Variants in WDR88 observed in about 807,000 individuals in gnomAD.
The protein encoded by WDR88 is WD repeat-containing protein 88.
In WDR88, 40 loss-of-function variants were observed where a neutral mutation model predicts 46.8. That is an observed-to-expected ratio of 0.86 (90% CI 0.66 to 1.11). The LOEUF (loss-of-function observed/expected upper bound fraction) is 1.11, where lower values mean the gene tolerates loss of function less well. WDR88 is among the 50% of genes most tolerant of loss of function. The pLI, the probability that WDR88 is intolerant of heterozygous loss-of-function variation, is 0.00. For synonymous variants in WDR88, 235 were observed against 240.7 expected (o/e 0.98, Z 0.22); for missense variants, 562 against 602.4 (o/e 0.93, Z 0.70).
intron 2 of WDR88, chr19:33,142,635 G>A (rs926063430): frequency 1.3e-5 from 2 of 151,700 alleles, no homozygotes; most frequent in African/African-American, 2.4e-5. Context: ...GTGAAAACAG[G>A]CATCTTTCCC....
At chr19:33,142,341 A>T (rs1973413716) in intron 2 of WDR88, among the ~76,000 whole-genome samples, 1 of 151,928 alleles carries the variant, frequency 6.6e-6, no homozygotes, top group Non-Finnish European at 1.5e-5. Flanking sequence ...AGGCACTAGG[A>T]GGGCAGAGGG....
chr19:33,160,355 T>C, intron 7 of WDR88, 59 bp from the exon 8 acceptor site: 1 of 1,571,390 alleles, frequency 6.4e-7, no homozygotes, highest in Non-Finnish European at 8.8e-7. Context: ...CAGCTGGCTT[T>C]GGGCTCACTT....
chr19:33,170,422 C>T (rs190310047), intron 9 of WDR88, among the ~76,000 whole-genome samples: 69 of 151,344 alleles, frequency 4.6e-4, no homozygotes, highest in Admixed American at 1.2e-3. Context: ...TTAAGTGATT[C>T]GACCGCGTTG....
intron 1 of WDR88, 79 bp downstream of exon 1, chr19:33,132,524 C>A: frequency 1.3e-6 from 2 of 1,554,198 alleles, no homozygotes; most frequent in East Asian, 4.5e-5. Flanking sequence ...TCGGGGGACC[C>A]ATGGAAAACC....
Position 33,148,982 on chromosome 19 carries a change from C to T in WDR88, c.679+72C>T, listed in dbSNP as rs184437951. 713 of 1,595,522 alleles carry T rather than the reference C, an allele frequency of 4.5e-4. 4 individuals are homozygous for T. The African/African-American group carries it at 8.2e-3, about 18-fold the overall frequency. On this transcript the variant is annotated intron_variant, in intron 5 of 10. Transcript: ENST00000355868. Reference sequence around the variant, plus strand: ...GCCACTTGTCACTGACTGACGGTGACCTTCCATTGCTTTATTTGGTGAAAC... The same window carrying T: ...GCCACTTGTCACTGACTGACGGTGATCTTCCATTGCTTTATTTGGTGAAAC...
chr19:33,157,218 C>T (rs1311781558), intron 7 of WDR88, among the ~76,000 whole-genome samples: 1 of 148,932 alleles, frequency 6.7e-6, no homozygotes, highest in African/African-American at 2.5e-5. Flanking sequence ...AAAAAAAGGC[C>T]AGGCACAATG....
At chr19:33,138,763 A>C (rs1366406067) in intron 2 of WDR88, among the ~76,000 whole-genome samples, 1 of 144,732 alleles carries the variant, frequency 6.9e-6, no homozygotes, top group African/African-American at 2.6e-5. Context: ...GGCTCACTAC[A>C]ACTTCCGCCT....
At position 33,174,307 on chromosome 19, in the gene WDR88, C is replaced by A. The variant is rs986906640; in HGVS notation, c.1243-1089C>A. On this transcript the variant is annotated intron_variant, in intron 10 of 10. Transcript: ENST00000355868. The stretch of plus-strand genomic sequence containing the variant: ...CGAGGCCTGCCCCAGGTAGGGTTTA[C>A]CCCCCTCTCCAGCAGGCCTCAGTGT... 25 of 1,522,500 alleles carry A rather than the reference C, an allele frequency of 1.6e-5. No homozygotes were observed. The Admixed American group carries it at 4.8e-4, about 29-fold the overall frequency. 94.3% of individuals were successfully genotyped at this position (1,522,500 alleles called of 1,614,324 possible).
At position 33,151,162 on chromosome 19, in the gene WDR88, T is replaced by A. The variant is rs1182978472; in HGVS notation, c.680-19T>A. On this transcript the variant is annotated intron_variant, in intron 5 of 10. Coordinates refer to ENST00000355868, the MANE Select transcript of WDR88 (RefSeq NM_173479.4). ...GGTGGAAGGCGTGGTCTCAAGTCCC[T>A]TTCCTCCGTGTTCTGCAGATCATCA... is the stretch of plus-strand genomic sequence containing the variant. The A allele has an allele frequency of 6.2e-7, 1 of 1,609,936 alleles. No homozygotes were observed. Among genetic ancestry groups the A allele is most frequent in the Non-Finnish European group, 8.5e-7 (1 of 1,177,266 alleles).
At chr19:33,168,833 A>G (rs965579608) in intron 9 of WDR88, among the ~76,000 whole-genome samples, 2 of 152,178 alleles carry the variant, frequency 1.3e-5, no homozygotes, top group Admixed American at 6.6e-5. Flanking sequence ...GAAGAAGAAA[A>G]TTGGAGGACT....
At chr19:33,173,073 C>G (rs1974064760) in intron 10 of WDR88, among the ~76,000 whole-genome samples, 2 of 108,736 alleles carry the variant, frequency 1.8e-5, no homozygotes, top group Admixed American at 1.5e-4. Flanking sequence ...GCCTGGGTGA[C>G]AGAGCGAGAC....
chr19:33,143,077 C>T (rs996207231), intron 2 of WDR88, among the ~76,000 whole-genome samples: 4 of 151,824 alleles, frequency 2.6e-5, no homozygotes, highest in African/African-American at 4.8e-5. Context: ...CGTCTGTAAT[C>T]CCAGTGCTTT....
chr19:33,150,594 G>A (rs1338129190), intron 5 of WDR88, among the ~76,000 whole-genome samples: 2 of 152,184 alleles, frequency 1.3e-5, no homozygotes, highest in African/African-American at 4.8e-5. Flanking sequence ...GCGTACAAGT[G>A]TTTGCACACA....
At chr19:33,174,022 T>G (rs1340365670) in intron 10 of WDR88, among the ~76,000 whole-genome samples, 10 of 152,072 alleles carry the variant, frequency 6.6e-5, no homozygotes, top group African/African-American at 1.9e-4. Context: ...GCTAATTGTT[T>G]TGTGTTTTTA....
At chr19:33,133,226 A>AAG (rs1463234935) in intron 1 of WDR88, among the ~76,000 whole-genome samples, 5 of 144,726 alleles carry the variant, frequency 3.5e-5, no homozygotes, top group African/African-American at 1.3e-4. Flanking sequence ...GAAAGAAAGA[A>AAG]AAAGAAAAAG....
rs147359483 is a variant in WDR88 at position 33,138,526 on chromosome 19, T to C, written c.387+739T>C. Reference sequence around the variant, plus strand: ...CTACTCCTGGCTAATTTTATTTTTTTAGTAGAGACAGAGTTTCACCACGTT... The same window carrying C: ...CTACTCCTGGCTAATTTTATTTTTTCAGTAGAGACAGAGTTTCACCACGTT... On this transcript the variant is annotated intron_variant, in intron 2 of 10. Coordinates refer to ENST00000355868, the MANE Select transcript of WDR88 (RefSeq NM_173479.4). Among the ~76,000 whole-genome samples, 166 of 152,180 alleles carry C rather than the reference T, an allele frequency of 1.1e-3. 1 individual carries two copies. The highest frequency in any genetic ancestry group is 3.4e-3 in the Middle Eastern group (1 of 294).
At chr19:33,161,529 A>G (rs1055330120) in intron 8 of WDR88, among the ~76,000 whole-genome samples, 1 of 152,196 alleles carries the variant, frequency 6.6e-6, no homozygotes, top group African/African-American at 2.4e-5. Context: ...CAAAGTAGAC[A>G]TGTGTCCTTG....
At chr19:33,144,677 G>T (rs551856068) in intron 2 of WDR88, among the ~76,000 whole-genome samples, 167 bp from the exon 3 acceptor site, 2 of 152,192 alleles carry the variant, frequency 1.3e-5, no homozygotes, top group African/African-American at 4.8e-5. Flanking sequence ...GGACGGACAT[G>T]TTGCAAAGTC....
chr19:33,174,709 C>T, intron 10 of WDR88: 3 of 985,400 alleles, frequency 3.0e-6, no homozygotes, highest in African/African-American at 1.7e-5. Flanking sequence ...TCCTCTTAGT[C>T]CCACAATTTT....
Sources: allele counts gnomAD v4.1 joint callset (sites outside exome capture counted in the v4.1 genomes callset), GRCh38; gene constraint gnomAD v4.1.1; transcripts MANE v1.5; gene names NCBI Gene and HGNC (gene_info 2026-07-23, HGNC 2026-07-21).